The following ING4 variants were observed in gnomAD, a reference collection of about 807,000 sequenced individuals.
ING4 encodes the protein inhibitor of growth protein 4.
ING4 carries 28 observed loss-of-function variants against 33.1 expected under a neutral mutation model. The observed-to-expected ratio is 0.85, with a 90% CI of 0.63 to 1.16. The LOEUF is 1.16. Among genes scored for constraint, ING4 ranks in the 50% most tolerant of loss-of-function variants. The pLI is 0.00. For synonymous variants in ING4, 87 were observed against 104.4 expected, an observed-to-expected ratio of 0.83 and a Z score of 1.02; for missense variants, 247 against 314.7, an observed-to-expected ratio of 0.78 and a Z score of 1.63.
Position 6,663,113 on chromosome 12 carries a change from A to G in ING4, c.-12T>C. 1.2e-6 allele frequency: 2 copies of G among 1,614,098 alleles called. No homozygotes were observed. Among genetic ancestry groups the G allele is most frequent in the Non-Finnish European group, 1.7e-6 (2 of 1,180,016 alleles). The stretch of plus-strand genomic sequence containing the variant: ...ATCCCCGCAGCCATCTCGAAGCAAA[A>G]CAAAGCAACTTCCGATCCGCCCCGG... On this transcript the variant is annotated 5_prime_UTR_variant, in exon 1 of 8. Coordinates refer to ENST00000341550, the MANE Select transcript of ING4 (RefSeq NM_016162.4).
intron 1 of ING4, among the ~76,000 whole-genome samples, chr12:6,660,001 C>A (rs1163344216): frequency 6.6e-6 from 1 of 152,110 alleles, no homozygotes; most frequent in Non-Finnish European, 1.5e-5. Context: ...TGGTATCTGT[C>A]TCCCCAGGCC....
intron 1 of ING4, 28 bp downstream of exon 1, chr12:6,663,037 C>T (rs868682781): frequency 1.2e-6 from 2 of 1,612,476 alleles, no homozygotes; most frequent in Middle Eastern, 1.7e-4. Context: ...CTCTGCAGCC[C>T]CGACCCCCAC....
chr12:6,651,264 G>T (rs770410492), intron 7 of ING4, 30 bp from the exon 8 acceptor site: 13 of 1,613,948 alleles, frequency 8.1e-6, no homozygotes, highest in Non-Finnish European at 1.1e-5. Context: ...AGAAAAGTGA[G>T]TGAAAGGGAG....
At chr12:6,661,767 TCTTC>T (rs1949562739) in intron 1 of ING4, among the ~76,000 whole-genome samples, 1 of 152,042 alleles carries the variant, frequency 6.6e-6, no homozygotes, top group South Asian at 2.1e-4. Context: ...CACCTTAGAT[TCTTC>T]CTTCTCTCTC....
chr12:6,651,355 C>T lies in ING4; in HGVS notation c.676G>A (p.Val226Met), dbSNP rs139075674. ...CCCCGAGGCTTGGTTGTCAGCCCCA[C>T]ACAGGCAAAATGGAACCACTCAATG... ...CSIEWFHFAC[V>M]GLTTKPRGKW... is the part of the protein sequence containing the mutation. Residue 226 changes from valine (V) to methionine (M), a missense_variant, in exon 7 of 8, where the codon GTG becomes ATG. Val to Met is a conservative substitution (Grantham distance 21). Coordinates refer to ENST00000341550, the MANE Select transcript of ING4 (RefSeq NM_016162.4). The T allele has an allele frequency of 1.2e-6, 2 of 1,614,142 alleles. No homozygotes were observed. The highest frequency in any genetic ancestry group is 1.3e-5 in the African/African-American group (1 of 75,028).
chr12:6,652,135 C>G, intron 6 of ING4, 136 bp downstream of exon 6: 1 of 1,115,898 alleles, frequency 9.0e-7, no homozygotes, highest in South Asian at 1.6e-5. Flanking sequence ...GCTGGGATTT[C>G]AGGCAAGAGC....
intron 1 of ING4, among the ~76,000 whole-genome samples, chr12:6,657,553 C>T (rs982528193): frequency 2.6e-5 from 4 of 152,190 alleles, no homozygotes; most frequent in Non-Finnish European, 5.9e-5. Flanking sequence ...TCATGACAGG[C>T]CATGCTTAAC....
At chr12:6,661,201 G>A (rs538723212) in intron 1 of ING4, among the ~76,000 whole-genome samples, 80 of 150,658 alleles carry the variant, frequency 5.3e-4, no homozygotes, top group African/African-American at 1.6e-3. Flanking sequence ...AGGTTCAAGC[G>A]ATTCTCCTGC....
chr12:6,652,522 C>T, intron 5 of ING4, 104 bp from the exon 6 acceptor site: 1 of 1,416,690 alleles, frequency 7.1e-7, no homozygotes, highest in African/African-American at 1.4e-5. Context: ...TGATTTGTGG[C>T]TTCTCCAGCA....
intron 3 of ING4, 46 bp downstream of exon 3, chr12:6,653,184 G>C: frequency 6.2e-7 from 1 of 1,610,106 alleles, no homozygotes; most frequent in Non-Finnish European, 8.5e-7. Context: ...CTAAGACCCT[G>C]AGGATTAGAT....
At chr12:6,660,244 G>C (rs1322041478) in intron 1 of ING4, among the ~76,000 whole-genome samples, 1 of 152,128 alleles carries the variant, frequency 6.6e-6, no homozygotes, top group Non-Finnish European at 1.5e-5. Context: ...TAGATCGCTT[G>C]ATCTCAGGAG....
At chr12:6,656,032 A>G (rs999594002) in intron 2 of ING4, 2 of 414,180 alleles carry the variant, frequency 4.8e-6, no homozygotes, top group African/African-American at 2.1e-5. Context: ...ATCTACCAAC[A>G]TATGTTGCAG....
intron 1 of ING4, 100 bp downstream of exon 1, chr12:6,662,965 G>T: frequency 1.6e-6 from 2 of 1,282,242 alleles, no homozygotes; most frequent in African/African-American, 1.5e-5. Context: ...CTTCATAATT[G>T]TGACCTTCTC....
chr12:6,652,596 G>C, intron 5 of ING4, 66 bp downstream of exon 5: 4 of 1,474,370 alleles, frequency 2.7e-6, no homozygotes, highest in Non-Finnish European at 3.8e-6. Flanking sequence ...GGGCGGTGCA[G>C]GCTGGGAGTG....
intron 1 of ING4, 47 bp downstream of exon 1, chr12:6,663,018 C>A (rs752312402): frequency 6.3e-7 from 1 of 1,596,384 alleles, no homozygotes; most frequent in South Asian, 1.1e-5. Context: ...ATCCCTGATC[C>A]CCGCACCACT....
At chr12:6,659,318 G>A (rs1464479591) in intron 1 of ING4, among the ~76,000 whole-genome samples, 2 of 152,064 alleles carry the variant, frequency 1.3e-5, no homozygotes, top group African/African-American at 4.8e-5. Context: ...CACTTTGGGA[G>A]GCCGAGGCGG....
rs1256205895 is a variant in ING4 at position 6,652,874 on chromosome 12, G to A, written c.391+62C>T. 8 of 1,551,164 alleles carry A rather than the reference G, an allele frequency of 5.2e-6. No individual in the cohort carries two copies. In the Admixed American group the frequency reaches 1.0e-4, roughly 19 times the overall value. ...GGTGCCAAACTTCCCACCAGATGAA[G>A]AGCTGACTTCTTCTCCCTTTCAGTC... On this transcript the variant is annotated intron_variant, in intron 4 of 7. Transcript: ENST00000341550.
At chr12:6,652,569 A>C in intron 5 of ING4, 93 bp downstream of exon 5, 2 of 1,390,514 alleles carry the variant, frequency 1.4e-6, no homozygotes, top group Non-Finnish European at 2.0e-6. Context: ...TGGCGCAGAC[A>C]TATAGAAAGC....
chr12:6,652,658 TCACGTGCG>T lies in ING4; in HGVS notation c.493_497+3del. 1 of 1,612,742 alleles carries T rather than the reference TCACGTGCG, an allele frequency of 6.2e-7. No homozygotes were observed. Among genetic ancestry groups the T allele is most frequent in the Non-Finnish European group, 8.5e-7 (1 of 1,179,138 alleles). ...TCCGGCAAAGGGCTCCCTGAATCAC[TCACGTGCG>T]CACGAGCTTTAACTTCTTCTGGGCA... On this transcript the variant is annotated splice_donor_variant and splice_donor_region_variant and coding_sequence_variant and intron_variant, in exon 5 of 8. Coordinates refer to ENST00000341550, the MANE Select transcript of ING4 (RefSeq NM_016162.4). LOFTEE classifies it high-confidence loss of function.
Sources: gnomAD v4.1 joint callset for allele counts (sites outside exome capture counted in the v4.1 genomes callset) on GRCh38, gnomAD v4.1.1 for gene constraint, MANE v1.5 for transcripts, NCBI Gene and HGNC (gene_info 2026-07-23, HGNC 2026-07-21) for gene names.